The following CD1B variants were observed in gnomAD, a reference collection of about 807,000 sequenced individuals.
CD1B encodes CD1b molecule, also known as T-cell surface glycoprotein CD1b.
In CD1B, 43 loss-of-function variants were observed where a neutral mutation model predicts 39.8. That is an observed-to-expected ratio of 1.08 (90% CI 0.85 to 1.39). The LOEUF is 1.39. CD1B is among the 40% of genes most tolerant of loss of function. The pLI is 0.00. For synonymous variants in CD1B, 192 were observed against 152.5 expected, an observed-to-expected ratio of 1.26 and a Z score of -1.91; for missense variants, 495 against 403.8, an observed-to-expected ratio of 1.23 and a Z score of -1.94.
downstream of CD1B, among the ~76,000 whole-genome samples, chr1:158,323,692 A>C (rs1016812122): frequency 6.6e-6 from 1 of 152,188 alleles, no homozygotes; most frequent in African/African-American, 2.4e-5. Flanking sequence ...TGCTGCAGCC[A>C]TTTCAGCACT....
At position 158,329,556 on chromosome 1, in the gene CD1B, C is replaced by T. The variant is rs766313542; in HGVS notation, c.700G>A (p.Val234Met). The T allele has an allele frequency of 2.9e-5, 47 of 1,614,144 alleles. No individual in the cohort carries two copies. The highest frequency in any genetic ancestry group is 1.9e-4 in the South Asian group (17 of 91,084). The change falls in exon 4 of 6, where the codon GTG (valine) becomes ATG (methionine). Residue 234 changes from valine to methionine, a missense_variant. Physicochemically the swap from Val to Met is conservative, Grantham distance 21. Coordinates refer to ENST00000368168, the MANE Select transcript of CD1B (RefSeq NM_001764.3). The stretch of plus-strand genomic sequence containing the variant: ...TCACCCCGCATCCACATCACCCACA[C>T]GGGCTTTGGGTAGAATCCTGAGACA... ...CHVSGFYPKP[V>M]WVMWMRGEQE... is the part of the protein sequence containing the mutation.
chr1:158,331,399 A>G lies in CD1B; in HGVS notation c.25T>C (p.Leu9=). The G allele has an allele frequency of 6.2e-7, 1 of 1,614,112 alleles. No individual in the cohort carries two copies. The highest frequency in any genetic ancestry group is 8.5e-7 in the Non-Finnish European group (1 of 1,179,972). Residue 9 remains leucine (L), a synonymous_variant, in exon 1 of 6, where the codon TTA becomes CTA. Transcript: ENST00000368168. MLLLPFQL[L]AVLFPGGNSE... ...TTACCACCAGGAAAGAGAACAGCTAACAGTTGAAATGGCAGCAGCAGCATT... is the reference window on the plus strand; with the variant it reads ...TTACCACCAGGAAAGAGAACAGCTAGCAGTTGAAATGGCAGCAGCAGCATT...
chr1:158,320,575 A>G, the CD1B span, among the ~76,000 whole-genome samples: 1 of 152,078 alleles, frequency 6.6e-6, no homozygotes, highest in Non-Finnish European at 1.5e-5. Flanking sequence ...CCCTAGTGAG[A>G]CGAACCCGGT....
the CD1B span, among the ~76,000 whole-genome samples, chr1:158,312,380 A>G: frequency 6.6e-6 from 1 of 152,158 alleles, no homozygotes; most frequent in Admixed American, 6.6e-5. Context: ...TTCTGCCATG[A>G]CTGTGAGGCC....
At chr1:158,326,800 T>C (rs1652369579), downstream of CD1B, among the ~76,000 whole-genome samples, 1 of 151,864 alleles carries the variant, frequency 6.6e-6, no homozygotes, top group Admixed American at 6.6e-5. Context: ...ATTATTATTA[T>C]TATTATTATT....
downstream of CD1B, among the ~76,000 whole-genome samples, chr1:158,324,563 G>A (rs1652284348): frequency 2.0e-5 from 3 of 152,276 alleles, no homozygotes; most frequent in South Asian, 6.2e-4. Context: ...AAGTAGAAGT[G>A]AGACTGATGA....
Position 158,329,380 on chromosome 1 carries a change from G to A in CD1B, c.876C>T (p.Ile292=). 1 of 1,613,560 alleles carries A rather than the reference G, an allele frequency of 6.2e-7. No individual in the cohort carries two copies. Among genetic ancestry groups the A allele is most frequent in the Non-Finnish European group, 8.5e-7 (1 of 1,179,648 alleles). Residue 292 remains isoleucine (I), a synonymous_variant, in exon 4 of 6, where the codon ATC becomes ATT. Transcript: ENST00000368168. ...KHSSLEGQDI[I]LYWRNPTSIG... ...CCTGCTATTTCTTACTCCAGTAGAG[G>A]ATGATGTCCTGGCCCTCTAAACTGC...
chr1:158,317,499 G>A, the CD1B span, among the ~76,000 whole-genome samples: 32 of 152,192 alleles, frequency 2.1e-4, no homozygotes, highest in East Asian at 1.3e-3. Context: ...CCGTGGGATC[G>A]GTGGTGATAT....
chr1:158,290,599 G>A, the CD1B span, among the ~76,000 whole-genome samples: 4 of 152,252 alleles, frequency 2.6e-5, no homozygotes, highest in African/African-American at 9.6e-5. Context: ...GAGAGATTGA[G>A]TAGGAGGCCT....
the CD1B span, chr1:158,292,111 GCTGT>G: frequency 1.2e-6 from 2 of 1,614,070 alleles, no homozygotes; most frequent in Non-Finnish European, 1.7e-6. Context: ...GTGAAAGCGG[GCTGT>G]GAGCTGCATT....
downstream of CD1B, among the ~76,000 whole-genome samples, chr1:158,325,686 C>A (rs112011606): frequency 2.0e-5 from 3 of 152,164 alleles, no homozygotes; most frequent in African/African-American, 7.2e-5. Context: ...ATTTCCATCA[C>A]ACAGAGAAAA....
chr1:158,297,144 C>T, the CD1B span, among the ~76,000 whole-genome samples: 1 of 152,040 alleles, frequency 6.6e-6, no homozygotes, highest in South Asian at 2.1e-4. Flanking sequence ...TCAAGATACA[C>T]AATAATAAGA....
chr1:158,299,373 T>C, the CD1B span, among the ~76,000 whole-genome samples: 1 of 152,224 alleles, frequency 6.6e-6, no homozygotes, highest in African/African-American at 2.4e-5. Flanking sequence ...GCTGATTTGA[T>C]CATGGTGGAT....
At chr1:158,315,238 T>C in the CD1B span, among the ~76,000 whole-genome samples, 14 of 152,176 alleles carry the variant, frequency 9.2e-5, no homozygotes, top group Non-Finnish European at 1.5e-4. Context: ...CCACACTGAC[T>C]TCCACAATGG....
At chr1:158,291,959 C>A in the CD1B span, 1 of 905,324 alleles carries the variant, frequency 1.1e-6, no homozygotes, top group Non-Finnish European at 1.7e-6. Context: ...TCAAATATGT[C>A]TTTGGCTCAC....
At chr1:158,318,082 A>C in the CD1B span, among the ~76,000 whole-genome samples, 39 of 152,192 alleles carry the variant, frequency 2.6e-4, no homozygotes, top group African/African-American at 8.9e-4. Context: ...TTTACTGCCA[A>C]CTATGTGATC....
chr1:158,330,198 T>A, intron 2 of CD1B, 68 bp from the exon 3 acceptor site: 1 of 1,398,676 alleles, frequency 7.1e-7, no homozygotes, highest in Non-Finnish European at 9.7e-7. Context: ...GAAAAGAACC[T>A]AGGATTTTAG....
the CD1B span, among the ~76,000 whole-genome samples, chr1:158,303,394 C>A: frequency 6.6e-6 from 1 of 152,136 alleles, no homozygotes; most frequent in African/African-American, 2.4e-5. Flanking sequence ...CCACTCTTAC[C>A]ACTGCTATTC....
At chr1:158,295,095 A>G in the CD1B span, among the ~76,000 whole-genome samples, 1 of 152,230 alleles carries the variant, frequency 6.6e-6, no homozygotes, top group African/African-American at 2.4e-5. Context: ...AAACTGGGAA[A>G]TAAAGCCAAA....
Sources: gnomAD v4.1 joint callset for allele counts (sites outside exome capture counted in the v4.1 genomes callset) on GRCh38, gnomAD v4.1.1 for gene constraint, MANE v1.5 for transcripts, NCBI Gene and HGNC (gene_info 2026-07-23, HGNC 2026-07-21) for gene names.